Variants in ATP10B observed in about 807,000 individuals in gnomAD.
The protein encoded by ATP10B is phospholipid-transporting ATPase VB.
Under a neutral mutation model 141.2 loss-of-function variants are expected in ATP10B, and 122 were observed. The ratio of observed to expected loss-of-function variants is 0.86; its 90% CI spans 0.75 to 1.00. The LOEUF is 1.00. Among genes scored for constraint, ATP10B ranks in the 50% least tolerant of loss-of-function variants. The pLI is 0.00. For missense variants in ATP10B, 1,876 were observed against 1,825.3 expected, an observed-to-expected ratio of 1.03 and a Z score of -0.51; for synonymous variants, 685 against 692.0, an observed-to-expected ratio of 0.99 and a Z score of 0.16.
chr5:160,865,099 A>C, the ATP10B span, among the ~76,000 whole-genome samples: 2 of 152,116 alleles, frequency 1.3e-5, no homozygotes, highest in Non-Finnish European at 2.9e-5. Context: ...GAACCAAAAA[A>C]GAGCCCACAG....
At chr5:160,773,472 C>T (rs1770055261) in intron 2 of ATP10B, among the ~76,000 whole-genome samples, 2 of 152,132 alleles carry the variant, frequency 1.3e-5, no homozygotes, top group Admixed American at 6.5e-5. Flanking sequence ...GGGTAATTTC[C>T]AGCTGTGTTG....
At chr5:160,845,538 G>T (rs1581644794) in intron 1 of ATP10B, among the ~76,000 whole-genome samples, 2 of 152,238 alleles carry the variant, frequency 1.3e-5, no homozygotes, top group Admixed American at 1.3e-4. Flanking sequence ...TCATCAAGCT[G>T]TGCATTTCAG....
intron 1 of ATP10B, among the ~76,000 whole-genome samples, chr5:160,823,685 T>G (rs1440923615): frequency 2.0e-5 from 3 of 152,016 alleles, no homozygotes; most frequent in Non-Finnish European, 4.4e-5. Context: ...ATACAAAAAA[T>G]TAGCCAGGCG....
intron 1 of ATP10B, among the ~76,000 whole-genome samples, chr5:160,806,975 T>G (rs1397748538): frequency 6.6e-6 from 1 of 152,172 alleles, no homozygotes; most frequent in Non-Finnish European, 1.5e-5. Flanking sequence ...TTAGCCTCAT[T>G]TTCAAGAAAA....
chr5:160,861,414 G>T, the ATP10B span, among the ~76,000 whole-genome samples: 1 of 151,768 alleles, frequency 6.6e-6, no homozygotes, highest in East Asian at 1.9e-4. Flanking sequence ...AAATTCTGAA[G>T]AAAGTTTTAA....
intron 2 of ATP10B, among the ~76,000 whole-genome samples, chr5:160,783,446 C>CATATATAT (rs368913170): frequency 5.0e-5 from 6 of 120,582 alleles, no homozygotes; most frequent in African/African-American, 1.9e-4. Flanking sequence ...ATATCCATCA[C>CATATATAT]ATATATATAT....
At chr5:160,888,362 C>T in the ATP10B span, among the ~76,000 whole-genome samples, 1 of 152,328 alleles carries the variant, frequency 6.6e-6, no homozygotes, top group Admixed American at 6.5e-5. Context: ...AATTTTCAGA[C>T]CTGAGGCTTC....
intron 6 of ATP10B, among the ~76,000 whole-genome samples, chr5:160,680,527 G>A (rs1327854275): frequency 6.6e-6 from 1 of 152,186 alleles, no homozygotes; most frequent in East Asian, 1.9e-4. Context: ...GTCCCAAGAT[G>A]TGTATATTCC....
chr5:160,865,098 AAG>A, the ATP10B span, among the ~76,000 whole-genome samples: 2 of 152,092 alleles, frequency 1.3e-5, no homozygotes, highest in Non-Finnish European at 2.9e-5. Context: ...GGAACCAAAA[AAG>A]AGCCCACAGA....
chr5:160,858,047 G>A, the ATP10B span, among the ~76,000 whole-genome samples: 18 of 151,680 alleles, frequency 1.2e-4, no homozygotes, highest in African/African-American at 4.3e-4. Flanking sequence ...TTTTATATTC[G>A]ATTTTTTATT....
chr5:160,660,258 T>C (rs1761816988), intron 7 of ATP10B, among the ~76,000 whole-genome samples: 1 of 152,218 alleles, frequency 6.6e-6, no homozygotes, highest in Non-Finnish European at 1.5e-5. Context: ...TCCTCTAGCA[T>C]GTACTTATTG....
At position 160,634,517 on chromosome 5, in the gene ATP10B, A is replaced by G. The variant is rs373282980; in HGVS notation, c.1218T>C (p.Asp406=). ...FFLSNDLDLY[D]EETDLSIQCR... Reference sequence around the variant, plus strand: ...ATTGAATGGATAAATCGGTCTCTTCATCATACAGGTCAAGGTCATTGCTCA... The same window carrying G: ...ATTGAATGGATAAATCGGTCTCTTCGTCATACAGGTCAAGGTCATTGCTCA... Residue 406 remains aspartate, a synonymous_variant, in exon 12 of 26, where the codon GAT becomes GAC. Coordinates refer to ENST00000327245, the MANE Select transcript of ATP10B (RefSeq NM_025153.3). 8.7e-5 allele frequency: 140 copies of G among 1,614,064 alleles called. No homozygotes were observed. Among genetic ancestry groups the G allele is most frequent in the Non-Finnish European group, 1.1e-4 (132 of 1,180,032 alleles).
intron 12 of ATP10B, chr5:160,633,358 C>T (rs181141268): frequency 1.3e-5 from 2 of 152,372 alleles, no homozygotes; most frequent in African/African-American, 4.8e-5. Flanking sequence ...GGCACATATA[C>T]ACCATGGAAT....
chr5:160,784,652 A>T (rs1451178235), intron 2 of ATP10B, among the ~76,000 whole-genome samples: 1 of 152,126 alleles, frequency 6.6e-6, no homozygotes, highest in African/African-American at 2.4e-5. Flanking sequence ...CTTGGGTTTT[A>T]TATCTAGAGT....
At chr5:160,747,480 T>C (rs1767882471) in intron 2 of ATP10B, among the ~76,000 whole-genome samples, 1 of 152,198 alleles carries the variant, frequency 6.6e-6, no homozygotes, top group African/African-American at 2.4e-5. Flanking sequence ...AAATGATGTC[T>C]TACTGGATTA....
chr5:160,708,084 ATTGCTTTTTAT>A (rs1459773721), intron 3 of ATP10B, among the ~76,000 whole-genome samples: 1 of 152,152 alleles, frequency 6.6e-6, no homozygotes, highest in Non-Finnish European at 1.5e-5. Flanking sequence ...ACCACTGGGC[ATTGCTTTTTAT>A]ATGCCCGTCT....
At chr5:160,790,468 CT>C (rs1356604287) in intron 1 of ATP10B, among the ~76,000 whole-genome samples, 1 of 152,086 alleles carries the variant, frequency 6.6e-6, no homozygotes, top group Non-Finnish European at 1.5e-5. Context: ...AACCTAACCC[CT>C]GAAACATCTA....
chr5:160,847,807 C>T (rs1776219005), intron 1 of ATP10B, among the ~76,000 whole-genome samples: 1 of 152,150 alleles, frequency 6.6e-6, no homozygotes, highest in South Asian at 2.1e-4. Context: ...AATATATTTA[C>T]ACCAGCTCAT....
chr5:160,902,095 AAG>A, the ATP10B span, among the ~76,000 whole-genome samples: 1 of 152,214 alleles, frequency 6.6e-6, no homozygotes, highest in Non-Finnish European at 1.5e-5. Flanking sequence ...CATATACAAA[AAG>A]AGTTTAATCA....
Sources: allele counts gnomAD v4.1 joint callset (sites outside exome capture counted in the v4.1 genomes callset), GRCh38; gene constraint gnomAD v4.1.1; transcripts MANE v1.5; gene names NCBI Gene and HGNC (gene_info 2026-07-23, HGNC 2026-07-21).